SIPA1L1: variants seen among roughly 807,000 people sequenced by gnomAD.
SIPA1L1 encodes the protein signal-induced proliferation-associated 1-like protein 1.
In SIPA1L1, 26 loss-of-function variants were observed where a neutral mutation model predicts 162.7. That is an observed-to-expected ratio of 0.16 (90% CI 0.12 to 0.22). SIPA1L1 has a LOEUF of 0.22. SIPA1L1 is among the 10% of genes least tolerant of loss of function. SIPA1L1 has a pLI of 1.00. For synonymous variants in SIPA1L1, 829 were observed against 837.4 expected, an observed-to-expected ratio of 0.99 and a Z score of 0.17; for missense variants, 1,874 against 2,241.0, an observed-to-expected ratio of 0.84 and a Z score of 3.31.
chr14:71,544,097 G>A (rs576447278), intron 4 of SIPA1L1, among the ~76,000 whole-genome samples: 183 of 147,352 alleles, frequency 1.2e-3, no homozygotes, highest in East Asian at 3.6e-3. Flanking sequence ...ATATACACAC[G>A]CACATGTATG....
rs112669531 is a variant in SIPA1L1, at chr14:71,678,624, C to A, written c.3104+6002C>A. ...TCTTCTTTTTTGTTGTGTCTCTGCCCGGCTTTGGTATCAGGATGATGCTGG... is the reference window on the plus strand; with the variant it reads ...TCTTCTTTTTTGTTGTGTCTCTGCCAGGCTTTGGTATCAGGATGATGCTGG... On this transcript the variant is annotated intron_variant, in intron 12 of 23. Coordinates refer to ENST00000381232, the MANE Select transcript of SIPA1L1 (RefSeq NM_001386936.1). 8.0e-3 allele frequency among the ~76,000 whole-genome samples: 1,211 copies of A among 152,120 alleles called. 11 individuals carry two copies. Among genetic ancestry groups the A allele is most frequent in the African/African-American group, 0.023 (968 of 41,490 alleles).
At chr14:71,700,908 G>A (rs2082040024) in intron 14 of SIPA1L1, among the ~76,000 whole-genome samples, 1 of 146,146 alleles carries the variant, frequency 6.8e-6, no homozygotes. Context: ...GCAGGAGAAT[G>A]GTGTGAACCC....
chr14:71,619,384 A>G (rs1157333236), intron 6 of SIPA1L1, among the ~76,000 whole-genome samples: 1 of 152,198 alleles, frequency 6.6e-6, no homozygotes, highest in East Asian at 1.9e-4. Flanking sequence ...TCTGAGACCT[A>G]GAAGGTACAT....
intron 2 of SIPA1L1, among the ~76,000 whole-genome samples, chr14:71,361,899 T>C (rs1236217066): frequency 6.6e-6 from 1 of 152,236 alleles, no homozygotes; most frequent in Non-Finnish European, 1.5e-5. Context: ...CTAGTGGTCT[T>C]TTCTCACTGA....
intron 7 of SIPA1L1, among the ~76,000 whole-genome samples, chr14:71,636,175 A>G (rs1596548191): frequency 6.6e-6 from 1 of 152,244 alleles, no homozygotes; most frequent in Non-Finnish European, 1.5e-5. Context: ...CAGCAAAGAC[A>G]TAGAACTTCA....
intron 5 of SIPA1L1, among the ~76,000 whole-genome samples, chr14:71,596,119 C>G (rs571997616): frequency 6.6e-6 from 1 of 152,078 alleles, no homozygotes; most frequent in Non-Finnish European, 1.5e-5. Flanking sequence ...AAGATAATTT[C>G]GCAGAGAAAG....
intron 10 of SIPA1L1, 146 bp downstream of exon 10, chr14:71,661,613 T>C (rs1451897783): frequency 1.2e-6 from 1 of 828,186 alleles, no homozygotes; most frequent in Non-Finnish European, 1.8e-6. Flanking sequence ...GATGGCTGAA[T>C]TCACATGATG....
chr14:71,591,037 G>A (rs541030932), intron 5 of SIPA1L1, among the ~76,000 whole-genome samples: 80 of 152,264 alleles, frequency 5.3e-4, no homozygotes, highest in African/African-American at 1.8e-3. Flanking sequence ...TTCTGCAGGT[G>A]TGTCTGAGCT....
intron 22 of SIPA1L1, chr14:71,735,727 T>C (rs1301316808): frequency 1.1e-5 from 2 of 180,946 alleles, no homozygotes; most frequent in Non-Finnish European, 2.3e-5. Context: ...GCAGTCTGGG[T>C]TTTCAGTCTC....
At chr14:71,626,642 C>T (rs1019954213) in intron 7 of SIPA1L1, among the ~76,000 whole-genome samples, 4 of 152,004 alleles carry the variant, frequency 2.6e-5, no homozygotes, top group Non-Finnish European at 4.4e-5. Context: ...CCATCTGTGT[C>T]GTCATATTTT....
intron 5 of SIPA1L1, among the ~76,000 whole-genome samples, chr14:71,607,393 A>C (rs751707274): frequency 2.6e-5 from 4 of 151,994 alleles, no homozygotes; most frequent in Non-Finnish European, 5.9e-5. Flanking sequence ...ACTTTAAAAC[A>C]TTACTCTGGC....
chr14:71,527,171 C>T (rs569320016), intron 3 of SIPA1L1, among the ~76,000 whole-genome samples: 1 of 152,090 alleles, frequency 6.6e-6, no homozygotes, highest in Admixed American at 6.5e-5. Context: ...TTCTTCTCCC[C>T]CTAGGACAGA....
At chr14:71,519,013 G>T (rs950149284) in intron 3 of SIPA1L1, among the ~76,000 whole-genome samples, 1 of 152,130 alleles carries the variant, frequency 6.6e-6, no homozygotes, top group Non-Finnish European at 1.5e-5. Context: ...GGAAAGACCA[G>T]CCCCCATGAT....
At chr14:71,660,779 T>G (rs748958055) in intron 9 of SIPA1L1, among the ~76,000 whole-genome samples, 1 of 152,232 alleles carries the variant, frequency 6.6e-6, no homozygotes, top group Non-Finnish European at 1.5e-5. Context: ...TTAAAGAAGC[T>G]GTTTAAACCT....
chr14:71,501,433 CAAAA>C (rs775297854), intron 2 of SIPA1L1, among the ~76,000 whole-genome samples: 76 of 152,206 alleles, frequency 5.0e-4, no homozygotes, highest in Middle Eastern at 3.4e-3. Flanking sequence ...CAATGTGAAA[CAAAA>C]GAAGACATAA....
chr14:71,420,672 C>G (rs1050985560), intron 2 of SIPA1L1, among the ~76,000 whole-genome samples: 3 of 152,132 alleles, frequency 2.0e-5, no homozygotes, highest in African/African-American at 7.2e-5. Flanking sequence ...TACTTATCAT[C>G]TAGCTTCCAC....
At chr14:71,429,376 A>G (rs1451736534) in intron 2 of SIPA1L1, among the ~76,000 whole-genome samples, 1 of 145,788 alleles carries the variant, frequency 6.9e-6, no homozygotes, top group Non-Finnish European at 1.5e-5. Flanking sequence ...GAAACTTCAC[A>G]TAATTGCCAT....
intron 4 of SIPA1L1, among the ~76,000 whole-genome samples, chr14:71,549,497 G>A (rs1434229415): frequency 6.6e-6 from 1 of 152,012 alleles, no homozygotes; most frequent in Non-Finnish European, 1.5e-5. Context: ...TGCCTAGATT[G>A]GCCAGAAAGA....
At chr14:71,677,570 T>A (rs1022832025) in intron 12 of SIPA1L1, among the ~76,000 whole-genome samples, 1 of 152,236 alleles carries the variant, frequency 6.6e-6, no homozygotes, top group East Asian at 1.9e-4. Context: ...CTGAATGGTA[T>A]TGCCTAGGTT....
Sources: gnomAD v4.1 joint callset for allele counts (sites outside exome capture counted in the v4.1 genomes callset) on GRCh38, gnomAD v4.1.1 for gene constraint, MANE v1.5 for transcripts, NCBI Gene and HGNC (gene_info 2026-07-23, HGNC 2026-07-21) for gene names.